IQGAP2: variants seen among roughly 807,000 people sequenced by gnomAD.
IQGAP2 encodes the protein IQ motif containing GTPase activating protein 2.
Under a neutral mutation model 201.3 loss-of-function variants are expected in IQGAP2, and 173 were observed. The ratio of observed to expected loss-of-function variants is 0.86; its 90% confidence interval spans 0.76 to 0.98. The LOEUF is 0.98. Among genes scored for constraint, IQGAP2 ranks in the 50% least tolerant of loss-of-function variants. The probability of loss-of-function intolerance (pLI) is 0.00; values close to 1 mark genes in which losing one functional copy is unlikely to be tolerated. For missense variants in IQGAP2, 1,687 were observed against 1,864.8 expected (o/e 0.90, Z 1.76); for synonymous variants, 675 against 673.9 (o/e 1.00, Z -0.03).
In IQGAP2 at chr5:76,480,024, G is replaced by A. The variant is rs372907749; in HGVS notation, c.146+18355G>A. On this transcript the variant is annotated intron_variant, in intron 2 of 35. Transcript: ENST00000274364. ...AGGCTCAGTCAAGGAGAAGGGAGGA[G>A]CGATATGGTTTAAGTGTGGGAGGAA... is the stretch of plus-strand genomic sequence containing the variant. Among the ~76,000 whole-genome samples the A allele has an allele frequency of 7.4e-5, 5 of 67,424 alleles. No individual in the cohort carries two copies. In the South Asian group the frequency reaches 1.8e-3, roughly 25 times the overall value. 44.2% of individuals were successfully genotyped at this position (67,424 alleles called of 152,430 possible). A position where few individuals can be genotyped will look rare whatever the true frequency, so the allele number is the denominator to read the frequency against.
At chr5:76,550,376 G>A (rs1280947380) in intron 2 of IQGAP2, among the ~76,000 whole-genome samples, 2 of 113,914 alleles carry the variant, frequency 1.8e-5, no homozygotes, top group African/African-American at 6.6e-5. Context: ...AGTATTTATT[G>A]ATCATTCTTG....
In IQGAP2 at chr5:76,475,008, G is replaced by A. The variant is rs189885656; in HGVS notation, c.146+13339G>A. Among the ~76,000 whole-genome samples, 943 of 152,256 alleles carry A rather than the reference G, an allele frequency of 6.2e-3. 6 individuals carry two copies. Among genetic ancestry groups the A allele is most frequent in the Non-Finnish European group, 0.01 (683 of 68,018 alleles). On this transcript the variant is annotated intron_variant, in intron 2 of 35. Coordinates refer to ENST00000274364, the MANE Select transcript of IQGAP2 (RefSeq NM_006633.5). ...ATTACAGGCATAAGCCACCGCGTCC[G>A]GCTGAGGTCTGCCTTTTAACAGAGC...
chr5:76,631,660 C>T (rs950434291), intron 14 of IQGAP2, among the ~76,000 whole-genome samples, 199 bp from the exon 15 acceptor site: 6 of 152,136 alleles, frequency 3.9e-5, no homozygotes, highest in Non-Finnish European at 7.4e-5. Context: ...ATAAACCATA[C>T]TCCCATGGTA....
intron 1 of IQGAP2, among the ~76,000 whole-genome samples, chr5:76,429,266 T>A (rs1021403930): frequency 6.6e-6 from 1 of 151,886 alleles, no homozygotes; most frequent in Non-Finnish European, 1.5e-5. Flanking sequence ...CCTGTTTTTC[T>A]CTTTTTAAAA....
At chr5:76,429,329 T>G (rs1752197204) in intron 1 of IQGAP2, among the ~76,000 whole-genome samples, 1 of 151,552 alleles carries the variant, frequency 6.6e-6, no homozygotes, top group African/African-American at 2.4e-5. Context: ...TCCCAGCACT[T>G]TGGGAGGCTG....
intron 1 of IQGAP2, among the ~76,000 whole-genome samples, chr5:76,442,156 T>A (rs1044376374): frequency 2.0e-5 from 3 of 152,114 alleles, no homozygotes; most frequent in Non-Finnish European, 2.9e-5. Flanking sequence ...GTGGAGAAGG[T>A]TAAGGGAGCT....
intron 20 of IQGAP2, 98 bp from the exon 21 acceptor site, chr5:76,658,361 G>A (rs951376091): frequency 1.0e-6 from 1 of 989,484 alleles, no homozygotes; most frequent in Non-Finnish European, 1.6e-6. Context: ...ACTTTCATTG[G>A]TATATTTTTC....
In IQGAP2 at chr5:76,543,847, G is replaced by A. The variant is rs7736499; in HGVS notation, c.147-18549G>A. On this transcript the variant is annotated intron_variant, in intron 2 of 35. Transcript: ENST00000274364. Reference sequence around the variant, plus strand: ...TTTGTTTTTGTTTTTGTTTTGTCAGGTTGACTTACATTTCCCCCCATTAGG... The same window carrying A: ...TTTGTTTTTGTTTTTGTTTTGTCAGATTGACTTACATTTCCCCCCATTAGG... Among the ~76,000 whole-genome samples the A allele has an allele frequency of 4.3e-3, 655 of 152,176 alleles. 4 individuals carry two copies. Among genetic ancestry groups the A allele is most frequent in the East Asian group, 0.018 (94 of 5,182 alleles).
chr5:76,467,871 A>G (rs1754869565), intron 2 of IQGAP2, among the ~76,000 whole-genome samples: 1 of 152,236 alleles, frequency 6.6e-6, no homozygotes, highest in East Asian at 1.9e-4. Context: ...AGCTAGACAC[A>G]AAAGGCCACA....
intron 17 of IQGAP2, among the ~76,000 whole-genome samples, chr5:76,649,938 G>C (rs1363777656): frequency 6.6e-6 from 1 of 152,234 alleles, no homozygotes; most frequent in Admixed American, 6.5e-5. Context: ...TGACATGGAA[G>C]GCACTAAGGC....
intron 2 of IQGAP2, among the ~76,000 whole-genome samples, chr5:76,514,358 G>C (rs929587061): frequency 3.3e-5 from 5 of 151,940 alleles, no homozygotes; most frequent in Non-Finnish European, 7.4e-5. Flanking sequence ...CATCAATCAT[G>C]GTAAAAATTC....
intron 3 of IQGAP2, among the ~76,000 whole-genome samples, chr5:76,565,673 A>G (rs533153069): frequency 4.6e-5 from 7 of 152,208 alleles, no homozygotes; most frequent in Non-Finnish European, 7.4e-5. Context: ...GGTCTTATCC[A>G]CAGTAGGAAC....
chr5:76,590,381 T>G, intron 7 of IQGAP2, 27 bp from the exon 8 acceptor site: 1 of 1,549,852 alleles, frequency 6.5e-7, no homozygotes, highest in Middle Eastern at 1.7e-4. Flanking sequence ...ATAAAAACCT[T>G]TTTCTCTCTC....
At chr5:76,629,254 A>T (rs1372896308) in intron 14 of IQGAP2, among the ~76,000 whole-genome samples, 1 of 152,234 alleles carries the variant, frequency 6.6e-6, no homozygotes, top group East Asian at 1.9e-4. Context: ...GCTACCTATG[A>T]GAATTTTCTG....
At chr5:76,544,851 C>T (rs4704328) in intron 2 of IQGAP2, among the ~76,000 whole-genome samples, 25,730 of 151,934 alleles carry the variant, frequency 0.17, 2,397 homozygotes, top group Admixed American at 0.28. Context: ...AATAGTTATC[C>T]ATACTTTATA....
chr5:76,650,633 A>G (rs899163044), intron 17 of IQGAP2, among the ~76,000 whole-genome samples: 8 of 152,132 alleles, frequency 5.3e-5, no homozygotes, highest in Non-Finnish European at 1.0e-4. Flanking sequence ...CTCTTTTTTT[A>G]TATATATACT....
chr5:76,423,365 G>T lies in IQGAP2; in HGVS notation c.46+19774G>T, dbSNP rs147174503. On this transcript the variant is annotated intron_variant, in intron 1 of 35. Coordinates refer to ENST00000274364, the MANE Select transcript of IQGAP2 (RefSeq NM_006633.5). ...CGACCGGGCTTGGTGGCTCATGCCTGTAATCCCAGCACTTTGGCAGGCCTA... is the reference window on the plus strand; with the variant it reads ...CGACCGGGCTTGGTGGCTCATGCCTTTAATCCCAGCACTTTGGCAGGCCTA... 6.0e-4 allele frequency among the ~76,000 whole-genome samples: 91 copies of T among 152,316 alleles called. 1 individual carries two copies. In the East Asian group the frequency reaches 0.016, roughly 27 times the overall value.
At chr5:76,610,950 G>A (rs994284181) in intron 12 of IQGAP2, 70 bp from the exon 13 acceptor site, 1 of 1,314,292 alleles carries the variant, frequency 7.6e-7, no homozygotes, top group East Asian at 2.3e-5. Flanking sequence ...TTAGCCTTTT[G>A]CAATCGGTGA....
intron 5 of IQGAP2, among the ~76,000 whole-genome samples, chr5:76,579,673 T>A (rs1023751001): frequency 5.3e-5 from 8 of 152,150 alleles, no homozygotes; most frequent in Non-Finnish European, 1.0e-4. Flanking sequence ...ATTTTTTTTT[T>A]AATTAGTTGG....
Sources: gnomAD v4.1 joint callset for allele counts (sites outside exome capture counted in the v4.1 genomes callset) on GRCh38, gnomAD v4.1.1 for gene constraint, MANE v1.5 for transcripts, NCBI Gene and HGNC (gene_info 2026-07-23, HGNC 2026-07-21) for gene names.